CARMIL1: variants seen among roughly 807,000 people sequenced by gnomAD.
CARMIL1 encodes the protein capping protein regulator and myosin 1 linker 1.
Under a neutral mutation model 177.1 loss-of-function variants are expected in CARMIL1, and 90 were observed. The ratio of observed to expected loss-of-function variants is 0.51; its 90% CI spans 0.43 to 0.61. The LOEUF (loss-of-function observed/expected upper bound fraction) is 0.61. Among genes scored for constraint, CARMIL1 ranks in the 20% least tolerant of loss-of-function variants. The pLI is 0.00. For missense variants in CARMIL1, 1,380 were observed against 1,667.0 expected (o/e 0.83, Z 3.00); for synonymous variants, 577 against 606.2 (o/e 0.95, Z 0.71).
At chr6:25,440,522 C>G (rs1393581614) in intron 5 of CARMIL1, among the ~76,000 whole-genome samples, 1 of 152,148 alleles carries the variant, frequency 6.6e-6, no homozygotes, top group Non-Finnish European at 1.5e-5. Context: ...TGCCTTTACT[C>G]TTGAAGTTCC....
chr6:25,435,367 A>T, intron 4 of CARMIL1, 116 bp from the exon 5 acceptor site: 1 of 1,206,214 alleles, frequency 8.3e-7, no homozygotes, highest in Non-Finnish European at 1.1e-6. Flanking sequence ...AAGAAAAAAA[A>T]AGCTAATATT....
At chr6:25,341,327 G>A (rs1786913328) in intron 2 of CARMIL1, among the ~76,000 whole-genome samples, 1 of 152,186 alleles carries the variant, frequency 6.6e-6, no homozygotes, top group South Asian at 2.1e-4. Flanking sequence ...GAGTCATAAG[G>A]AAAGAATATA....
chr6:25,509,520 T>G lies in CARMIL1; in HGVS notation c.1396-136T>G. 1 of 648,586 alleles carries G rather than the reference T, an allele frequency of 1.5e-6. No homozygotes were observed. Among genetic ancestry groups the G allele is most frequent in the Non-Finnish European group, 2.7e-6 (1 of 369,218 alleles). 40.2% of individuals were successfully genotyped at this position (648,586 alleles called of 1,614,324 possible). A position where few individuals can be genotyped will look rare whatever the true frequency, so the allele number is the denominator to read the frequency against. ...CTTTACCCACTGATAATAGCTTCTT[T>G]GGAGTTGATAAGCTTTTACTTTTTC... On this transcript the variant is annotated intron_variant, in intron 17 of 36. Transcript: ENST00000329474. This position sits in a 1 kb window ranked among gnomAD's most constrained non-coding sequence, Gnocchi z 4.1.
intron 2 of CARMIL1, among the ~76,000 whole-genome samples, chr6:25,328,993 A>G (rs1413272286): frequency 6.6e-6 from 1 of 152,190 alleles, no homozygotes; most frequent in Non-Finnish European, 1.5e-5. Context: ...TTCCAGTCAC[A>G]AAAGATCTTT....
chr6:25,358,829 A>G (rs570162984), intron 2 of CARMIL1, among the ~76,000 whole-genome samples: 1 of 152,340 alleles, frequency 6.6e-6, no homozygotes, highest in East Asian at 1.9e-4. Flanking sequence ...CTTGGTGTAT[A>G]TGCAATTTAA....
intron 22 of CARMIL1, among the ~76,000 whole-genome samples, chr6:25,519,492 A>C (rs1018608789): frequency 1.3e-5 from 2 of 152,224 alleles, no homozygotes; most frequent in African/African-American, 4.8e-5. Context: ...TCCTCACACA[A>C]AAATGGCTCA....
intron 2 of CARMIL1, among the ~76,000 whole-genome samples, chr6:25,285,687 G>A (rs1267125187): frequency 6.6e-6 from 1 of 152,106 alleles, no homozygotes; most frequent in Non-Finnish European, 1.5e-5. Flanking sequence ...TCAAACATAT[G>A]CAAAAAGCAG....
At chr6:25,450,988 C>CT (rs1562155632) in intron 8 of CARMIL1, among the ~76,000 whole-genome samples, 82 of 21,056 alleles carry the variant, frequency 3.9e-3, no homozygotes, top group South Asian at 8.8e-3. Context: ...TCTCCCCCTC[C>CT]CCTCTCCCCT....
At chr6:25,346,350 C>T (rs772598190) in intron 2 of CARMIL1, among the ~76,000 whole-genome samples, 5 of 152,152 alleles carry the variant, frequency 3.3e-5, no homozygotes, top group African/African-American at 4.8e-5. Context: ...CTTCCCTCTG[C>T]CTGGAATTCC....
chr6:25,424,337 C>G (rs1468313347), intron 3 of CARMIL1, among the ~76,000 whole-genome samples: 1 of 152,172 alleles, frequency 6.6e-6, no homozygotes, highest in South Asian at 2.1e-4. Context: ...GGCTCCCCAG[C>G]ACTTTGTTGT....
chr6:25,556,390 C>T (rs1313441482), intron 28 of CARMIL1, among the ~76,000 whole-genome samples: 2 of 152,108 alleles, frequency 1.3e-5, no homozygotes, highest in African/African-American at 2.4e-5. Context: ...TTATTACTCT[C>T]AGATACTTTT....
intron 17 of CARMIL1, among the ~76,000 whole-genome samples, chr6:25,508,661 C>T (rs1805155506): frequency 6.6e-6 from 1 of 152,214 alleles, no homozygotes; most frequent in Non-Finnish European, 1.5e-5. Flanking sequence ...GCACCTTGTA[C>T]TGTAAATTTG....
chr6:25,447,368 C>T (rs1798333348), intron 5 of CARMIL1, among the ~76,000 whole-genome samples: 1 of 152,174 alleles, frequency 6.6e-6, no homozygotes, highest in Non-Finnish European at 1.5e-5. Flanking sequence ...GGCAACCTCC[C>T]AGGCCCTAGC....
At chr6:25,594,350 C>CTAG in intron 31 of CARMIL1, 65 bp from the exon 32 acceptor site, 1 of 1,023,920 alleles carries the variant, frequency 9.8e-7, no homozygotes, top group Non-Finnish European at 1.5e-6. Context: ...TGTCTTAAAT[C>CTAG]TAGTAATAAA....
chr6:25,500,277 C>T (rs1442251552), intron 17 of CARMIL1, 42 bp downstream of exon 17: 1 of 1,550,462 alleles, frequency 6.4e-7, no homozygotes, highest in African/African-American at 1.4e-5. Context: ...AGATAATAGC[C>T]TCAACCGCTT....
chr6:25,310,755 C>T (rs1393271764), intron 2 of CARMIL1, among the ~76,000 whole-genome samples: 3 of 152,116 alleles, frequency 2.0e-5, no homozygotes, highest in Non-Finnish European at 2.9e-5. Flanking sequence ...TCTGTGATTT[C>T]TACACTTTTA....
At chr6:25,361,605 A>G (rs1205833949) in intron 2 of CARMIL1, among the ~76,000 whole-genome samples, 1 of 152,198 alleles carries the variant, frequency 6.6e-6, no homozygotes, top group Admixed American at 6.5e-5. Context: ...ATTTATAGTT[A>G]TAAGTAGCTA....
At chr6:25,437,765 C>G (rs891610132) in intron 5 of CARMIL1, among the ~76,000 whole-genome samples, 2 of 152,210 alleles carry the variant, frequency 1.3e-5, no homozygotes. Context: ...GTGCTCATCT[C>G]TTGGTCCTTA....
chr6:25,509,339 T>A lies in CARMIL1; in HGVS notation c.1396-317T>A, dbSNP rs1805238281. ...TTATTAAATTTCCAAAAGTCAGAAATGAAGAAATTCTTCTGGGTTGATAAT... is the reference window on the plus strand; with the variant it reads ...TTATTAAATTTCCAAAAGTCAGAAAAGAAGAAATTCTTCTGGGTTGATAAT... On this transcript the variant is annotated intron_variant, in intron 17 of 36. Transcript: ENST00000329474. This position sits in a 1 kb window ranked among gnomAD's most constrained non-coding sequence, Gnocchi z 4.1. Among the ~76,000 whole-genome samples, 1 of 152,208 alleles carries A rather than the reference T, an allele frequency of 6.6e-6. No homozygotes were observed. Among genetic ancestry groups the A allele is most frequent in the Non-Finnish European group, 1.5e-5 (1 of 68,018 alleles).
Sources: allele counts gnomAD v4.1 joint callset (sites outside exome capture counted in the v4.1 genomes callset), GRCh38; gene constraint gnomAD v4.1.1; non-coding constraint Gnocchi (gnomAD v3.1); transcripts MANE v1.5; gene names NCBI Gene and HGNC (gene_info 2026-07-23, HGNC 2026-07-21).